CACNA1D: variants seen among roughly 807,000 people sequenced by gnomAD.
CACNA1D encodes calcium voltage-gated channel subunit alpha1 D.
In CACNA1D, 55 loss-of-function variants were observed where a neutral mutation model predicts 257.1. The observed-to-expected ratio is 0.21, with a 90% CI of 0.17 to 0.27. The LOEUF (loss-of-function observed/expected upper bound fraction) is 0.27, where lower values mean the gene tolerates loss of function less well. CACNA1D is among the 10% of genes least tolerant of loss of function. The pLI, the probability that CACNA1D is intolerant of heterozygous loss-of-function variation, is 1.00. For synonymous variants in CACNA1D, 980 were observed against 1,014.9 expected (o/e 0.97, Z 0.65); for missense variants, 1,876 against 2,784.0 (o/e 0.67, Z 7.34).
Position 53,800,624 on chromosome 3 carries a change from C to T in CACNA1D, c.5040+259C>T, listed in dbSNP as rs562041255. 5.3e-4 allele frequency: 287 copies of T among 540,692 alleles called. 1 individual carries two copies. Among genetic ancestry groups the T allele is most frequent in the African/African-American group, 4.2e-3 (225 of 53,022 alleles). 33.5% of individuals were successfully genotyped at this position (540,692 alleles called of 1,614,324 possible). ...TGCTTCTGAGGAGCTCGGCCACAGC[C>T]GCTGGCCCTGTGGATGAGCATCCTG... is the stretch of plus-strand genomic sequence containing the variant. On this transcript the variant is annotated intron_variant, in intron 41 of 47. Coordinates refer to ENST00000350061, the MANE Select transcript of CACNA1D (RefSeq NM_001128840.3). This position sits in a 1 kb window ranked among gnomAD's most constrained non-coding sequence, Gnocchi z 4.3.
chr3:53,644,697 C>T (rs1161904729), intron 3 of CACNA1D, among the ~76,000 whole-genome samples: 1 of 152,192 alleles, frequency 6.6e-6, no homozygotes, highest in Non-Finnish European at 1.5e-5. Context: ...ATCTATACCA[C>T]ATTTTCTTTA....
intron 29 of CACNA1D, 25 bp from the exon 30 acceptor site, chr3:53,761,973 A>G (rs747022894): frequency 2.1e-5 from 32 of 1,547,364 alleles, no homozygotes; most frequent in Non-Finnish European, 2.9e-5. Context: ...GCTCATAAAC[A>G]TCTGCCCTCG....
At chr3:53,551,239 G>A (rs938753625) in intron 3 of CACNA1D, among the ~76,000 whole-genome samples, 1 of 152,232 alleles carries the variant, frequency 6.6e-6, no homozygotes, top group Non-Finnish European at 1.5e-5. Flanking sequence ...TAGCACAGGT[G>A]TGAGTGCTTT....
At chr3:53,701,281 G>A (rs1484329501) in intron 8 of CACNA1D, among the ~76,000 whole-genome samples, 2 of 152,038 alleles carry the variant, frequency 1.3e-5, no homozygotes, top group Admixed American at 6.6e-5. Context: ...AACTGGGACT[G>A]CACCACCATG....
At chr3:53,629,621 C>T (rs3774490) in intron 3 of CACNA1D, among the ~76,000 whole-genome samples, 16,099 of 152,168 alleles carry the variant, frequency 0.11, 994 homozygotes, top group African/African-American at 0.15. Context: ...GTCTTCCTGG[C>T]GCAGATGCTT....
intron 39 of CACNA1D, chr3:53,781,870 T>G: frequency 1.7e-6 from 1 of 582,606 alleles, no homozygotes; most frequent in Non-Finnish European, 3.1e-6. Flanking sequence ...AAGGAGAGGC[T>G]TCAGTGAAAA....
At chr3:53,680,819 C>CT (rs1439376195) in intron 8 of CACNA1D, among the ~76,000 whole-genome samples, 1 of 152,138 alleles carries the variant, frequency 6.6e-6, no homozygotes, top group Non-Finnish European at 1.5e-5. Context: ...CAACATTATG[C>CT]TTTTTTTCTC....
In CACNA1D at chr3:53,495,903, G is replaced by A. The variant is rs1021333106; in HGVS notation, c.67+670G>A. Among the ~76,000 whole-genome samples, 2 of 152,194 alleles carry A rather than the reference G, an allele frequency of 1.3e-5. No homozygotes were observed. Among genetic ancestry groups the A allele is most frequent in the African/African-American group, 4.8e-5 (2 of 41,452 alleles). ...CCCGGGCACCACGTGCAGCTTCCAC[G>A]CCGGCCGGGGCTGGGTCGAGGGAGG... On this transcript the variant is annotated intron_variant, in intron 1 of 47. Transcript: ENST00000350061. This position sits in a 1 kb window ranked among gnomAD's most constrained non-coding sequence, Gnocchi z 5.1.
intron 3 of CACNA1D, among the ~76,000 whole-genome samples, chr3:53,588,156 A>C (rs1183408167): frequency 1.3e-5 from 2 of 152,112 alleles, no homozygotes; most frequent in Non-Finnish European, 2.9e-5. Flanking sequence ...GTGTAAAAGA[A>C]CTCTGGAGTT....
chr3:53,647,284 G>A (rs902305534), intron 3 of CACNA1D, among the ~76,000 whole-genome samples: 1 of 152,182 alleles, frequency 6.6e-6, no homozygotes, highest in Non-Finnish European at 1.5e-5. Flanking sequence ...ACTCTGCCTG[G>A]CACACAGAGG....
Position 53,532,142 on chromosome 3 carries a change from C to T in CACNA1D, c.483+30422C>T, listed in dbSNP as rs535923565. ...AATTGTCGCAAAGTTATGTTTCATC[C>T]TATTTACCAAGTTGTATTTACAGAA... is the stretch of plus-strand genomic sequence containing the variant. On this transcript the variant is annotated intron_variant, in intron 3 of 47. Coordinates refer to ENST00000350061, the MANE Select transcript of CACNA1D (RefSeq NM_001128840.3). Among the ~76,000 whole-genome samples, 569 of 152,284 alleles carry T rather than the reference C, an allele frequency of 3.7e-3. 2 individuals carry two copies. The highest frequency in any genetic ancestry group is 6.2e-3 in the Non-Finnish European group (419 of 68,024).
In CACNA1D at chr3:53,673,503, G is replaced by A. The variant is rs1446095972; in HGVS notation, c.1220+377G>A. ...ACGATAGCAAAATGAGCTGGATTGG[G>A]TGGGCTTTTGGTAGTCCCCATTTGT... On this transcript the variant is annotated intron_variant, in intron 8 of 47. Transcript: ENST00000350061. This position sits in a 1 kb window ranked among gnomAD's most constrained non-coding sequence, Gnocchi z 4.1. 6.6e-6 allele frequency among the ~76,000 whole-genome samples: 1 copy of A among 151,806 alleles called. No individual in the cohort carries two copies. Among genetic ancestry groups the A allele is most frequent in the African/African-American group, 2.4e-5 (1 of 41,296 alleles).
chr3:53,635,326 G>T (rs1264618264), intron 3 of CACNA1D, among the ~76,000 whole-genome samples: 1 of 152,174 alleles, frequency 6.6e-6, no homozygotes, highest in Non-Finnish European at 1.5e-5. Context: ...ACACTGCCCT[G>T]CCCTGCTTCT....
chr3:53,564,412 CG>C (rs1268750472), intron 3 of CACNA1D, among the ~76,000 whole-genome samples: 2 of 152,118 alleles, frequency 1.3e-5, no homozygotes, highest in Admixed American at 1.3e-4. Flanking sequence ...CTGCCCACCC[CG>C]GCCTCCCAAA....
chr3:53,754,964 G>A (rs1394143425), intron 29 of CACNA1D, among the ~76,000 whole-genome samples: 1 of 152,198 alleles, frequency 6.6e-6, no homozygotes, highest in Non-Finnish European at 1.5e-5. Flanking sequence ...TAATTGGGGT[G>A]ATTGCAGTGG....
At chr3:53,780,426 T>A (rs891953856) in intron 38 of CACNA1D, among the ~76,000 whole-genome samples, 2 of 152,170 alleles carry the variant, frequency 1.3e-5, no homozygotes, top group African/African-American at 2.4e-5. Flanking sequence ...GACGAAGCCA[T>A]CACAAATGAA....
At chr3:53,743,304 C>CT (rs1488911472) in intron 22 of CACNA1D, among the ~76,000 whole-genome samples, 187 bp downstream of exon 22, 6 of 152,062 alleles carry the variant, frequency 3.9e-5, no homozygotes, top group Middle Eastern at 3.4e-3. Flanking sequence ...GTGTTTTTTT[C>CT]TTTTTGTGCC....
rs1388683829 is a variant in CACNA1D at position 53,495,907 on chromosome 3, G to A, written c.67+674G>A. On this transcript the variant is annotated intron_variant, in intron 1 of 47. Coordinates refer to ENST00000350061, the MANE Select transcript of CACNA1D (RefSeq NM_001128840.3). The surrounding 1 kb of genome is among the most constrained non-coding windows in gnomAD (Gnocchi z 5.1). ...GGCACCACGTGCAGCTTCCACGCCG[G>A]CCGGGGCTGGGTCGAGGGAGGATGG... Among the ~76,000 whole-genome samples the A allele has an allele frequency of 6.6e-6, 1 of 152,240 alleles. No homozygotes were observed. Among genetic ancestry groups the A allele is most frequent in the African/African-American group, 2.4e-5 (1 of 41,466 alleles).
At chr3:53,598,024 A>G (rs1340757302) in intron 3 of CACNA1D, among the ~76,000 whole-genome samples, 5 of 152,126 alleles carry the variant, frequency 3.3e-5, no homozygotes, top group South Asian at 4.2e-4. Context: ...TCATTGAGGA[A>G]TGTGTTTTTC....
Sources: gnomAD v4.1 joint callset for allele counts (sites outside exome capture counted in the v4.1 genomes callset) on GRCh38, gnomAD v4.1.1 for gene constraint, Gnocchi (gnomAD v3.1) non-coding constraint, MANE v1.5 for transcripts, NCBI Gene and HGNC (gene_info 2026-07-23, HGNC 2026-07-21) for gene names.